The following DLG2 variants were observed in gnomAD, a reference collection of about 807,000 sequenced individuals.
The protein encoded by DLG2 is disks large homolog 2.
Under a neutral mutation model 132.5 loss-of-function variants are expected in DLG2, and 45 were observed. The ratio of observed to expected loss-of-function variants is 0.34; its 90% CI spans 0.27 to 0.44. The LOEUF is 0.44. Ranked by LOEUF, DLG2 falls within the 20% of genes least tolerant of loss-of-function variation. The pLI is 1.00. For missense variants in DLG2, 1,045 were observed against 1,196.9 expected, an observed-to-expected ratio of 0.87 and a Z score of 1.87; for synonymous variants, 424 against 419.6, an observed-to-expected ratio of 1.01 and a Z score of -0.13.
Position 85,620,770 on chromosome 11 carries a change from G to T in DLG2, c.-93+5817C>A, listed in dbSNP as rs528631174. Among the ~76,000 whole-genome samples, 4 of 152,310 alleles carry T rather than the reference G, an allele frequency of 2.6e-5. No homozygotes were observed. The South Asian group carries it at 8.3e-4, about 32-fold the overall frequency. ...AGAAGAAAGCTGGAAGCCAGCAAAGGTTGGTTCATGAGGTGAAAGGAAAGA... is the reference window on the plus strand; with the variant it reads ...AGAAGAAAGCTGGAAGCCAGCAAAGTTTGGTTCATGAGGTGAAAGGAAAGA... On this transcript the variant is annotated intron_variant, in intron 2 of 27. Coordinates refer to ENST00000376104, the MANE Select transcript of DLG2 (RefSeq NM_001142699.3).
intron 6 of DLG2, among the ~76,000 whole-genome samples, chr11:84,734,405 G>T (rs2063554814): frequency 6.6e-6 from 1 of 152,248 alleles, no homozygotes; most frequent in Non-Finnish European, 1.5e-5. Context: ...AAGCAATTGT[G>T]AATGGAGTTC....
At chr11:84,243,017 C>CTCTCTCTCTCTATATA (rs542476924) in intron 8 of DLG2, among the ~76,000 whole-genome samples, 37 of 142,204 alleles carry the variant, frequency 2.6e-4, no homozygotes, top group East Asian at 2.3e-3. Flanking sequence ...CTCTCTCTCT[C>CTCTCTCTCTCTATATA]TATATATATA....
At chr11:85,511,123 C>A (rs964774931) in intron 3 of DLG2, among the ~76,000 whole-genome samples, 13 of 151,886 alleles carry the variant, frequency 8.6e-5, no homozygotes, top group Non-Finnish European at 1.0e-4. Flanking sequence ...ATCGCAAGGA[C>A]AAAAAACCGA....
chr11:85,338,055 A>G (rs542672353), intron 3 of DLG2, among the ~76,000 whole-genome samples: 1 of 152,336 alleles, frequency 6.6e-6, no homozygotes, highest in South Asian at 2.1e-4. Flanking sequence ...AATATAAGAG[A>G]GACACAAGAA....
intron 6 of DLG2, among the ~76,000 whole-genome samples, chr11:84,598,461 C>T (rs1025021672): frequency 6.6e-6 from 1 of 152,152 alleles, no homozygotes; most frequent in Non-Finnish European, 1.5e-5. Context: ...TGTTATGATG[C>T]TTATTTCCCT....
At chr11:85,569,030 T>G (rs1404321738) in intron 3 of DLG2, among the ~76,000 whole-genome samples, 1 of 152,258 alleles carries the variant, frequency 6.6e-6, no homozygotes, top group Non-Finnish European at 1.5e-5. Flanking sequence ...CTTTCTTTTT[T>G]GTTTGTTTGT....
rs936246529 is a variant in DLG2, at chr11:83,934,386, A to G, written c.1341-3903T>C. The stretch of plus-strand genomic sequence containing the variant: ...TTTTGTTCATTATAAATTCTTTTGC[A>G]TTAATTTTATTTTCTAAAATATTTC... On this transcript the variant is annotated intron_variant, in intron 14 of 27. Coordinates refer to ENST00000376104, the MANE Select transcript of DLG2 (RefSeq NM_001142699.3). Among the ~76,000 whole-genome samples, 66 of 152,112 alleles carry G rather than the reference A, an allele frequency of 4.3e-4. 1 individual carries two copies. Among genetic ancestry groups the G allele is most frequent in the African/African-American group, 1.6e-3 (66 of 41,496 alleles).
At chr11:84,695,892 T>C (rs2058563004) in intron 6 of DLG2, among the ~76,000 whole-genome samples, 1 of 151,516 alleles carries the variant, frequency 6.6e-6, no homozygotes, top group Non-Finnish European at 1.5e-5. Flanking sequence ...TACTGTTTAC[T>C]GAAATGTAAT....
In DLG2 at chr11:83,456,686, TAGA is replaced by T. The variant is rs1412475512; in HGVS notation, c.*3129_*3131del. 6.9e-6 allele frequency: 1 copy of T among 145,114 alleles called. No individual in the cohort carries two copies. Among genetic ancestry groups the T allele is most frequent in the East Asian group, 2.0e-4 (1 of 5,010 alleles). 9.0% of individuals were successfully genotyped at this position (145,114 alleles called of 1,614,324 possible). ...AAAAAGAGATGGAATTAGTCGGAAG[TAGA>T]AGGAGGAGGAGAGTAAGGAAAAGAA... On this transcript the variant is annotated 3_prime_UTR_variant, in exon 28 of 28. Transcript: ENST00000376104.
chr11:83,541,060 A>G (rs2096054522), intron 20 of DLG2, among the ~76,000 whole-genome samples: 1 of 152,058 alleles, frequency 6.6e-6, no homozygotes, highest in Admixed American at 6.6e-5. Flanking sequence ...GGAAACACTT[A>G]CACAGAACTA....
chr11:84,944,899 G>A (rs185081613), intron 6 of DLG2, among the ~76,000 whole-genome samples: 117 of 152,274 alleles, frequency 7.7e-4, no homozygotes, highest in African/African-American at 2.0e-3. Flanking sequence ...CATCGTGCCC[G>A]ATCTTGTTAA....
intron 6 of DLG2, among the ~76,000 whole-genome samples, chr11:84,571,182 T>C (rs1165432340): frequency 1.3e-5 from 2 of 152,142 alleles, no homozygotes; most frequent in African/African-American, 2.4e-5. Flanking sequence ...GTTTCTTATT[T>C]TGAACAGTTG....
chr11:84,467,838 G>C (rs1171176699), intron 7 of DLG2, among the ~76,000 whole-genome samples: 1 of 151,556 alleles, frequency 6.6e-6, no homozygotes, highest in East Asian at 2.0e-4. Context: ...CTTTCAAATT[G>C]TTCTGTGAAG....
intron 18 of DLG2, among the ~76,000 whole-genome samples, chr11:83,778,994 GGA>G (rs757737523): frequency 7.6e-4 from 116 of 152,172 alleles, no homozygotes; most frequent in Middle Eastern, 3.4e-3. Flanking sequence ...TACATGTGTG[GGA>G]GAGAGTTGTG....
At chr11:83,872,575 C>T (rs1456152772) in intron 16 of DLG2, among the ~76,000 whole-genome samples, 2 of 152,190 alleles carry the variant, frequency 1.3e-5, no homozygotes, top group East Asian at 3.9e-4. Context: ...ACATTTTTGG[C>T]CTCATCAGAG....
chr11:84,689,644 A>T (rs952204535), intron 6 of DLG2, among the ~76,000 whole-genome samples: 1 of 152,112 alleles, frequency 6.6e-6, no homozygotes, highest in Non-Finnish European at 1.5e-5. Context: ...GAAGTTAAAA[A>T]GAGGTTTGAC....
At chr11:83,906,298 CACACACACACACACACACACA>C (rs1565586339) in intron 15 of DLG2, among the ~76,000 whole-genome samples, 13 of 140,738 alleles carry the variant, frequency 9.2e-5, no homozygotes, top group South Asian at 2.3e-4. Flanking sequence ...CACACACACA[CACACACACACACACACACACA>C]CCTCGGCCTC....
intron 6 of DLG2, among the ~76,000 whole-genome samples, chr11:85,027,803 T>A (rs940199085): frequency 7.9e-5 from 12 of 152,118 alleles, no homozygotes; most frequent in Admixed American, 2.6e-4. Context: ...CCAAAGAGGG[T>A]GTCACAGCCC....
At chr11:85,057,764 A>T (rs527538827) in intron 6 of DLG2, among the ~76,000 whole-genome samples, 1 of 151,750 alleles carries the variant, frequency 6.6e-6, no homozygotes, top group South Asian at 2.1e-4. Context: ...AAACAGCTAC[A>T]TATGAAAAGA....
Sources: gnomAD v4.1 joint callset for allele counts (sites outside exome capture counted in the v4.1 genomes callset) on GRCh38, gnomAD v4.1.1 for gene constraint, MANE v1.5 for transcripts, NCBI Gene and HGNC (gene_info 2026-07-23, HGNC 2026-07-21) for gene names.